Variants in DPYD observed in about 807,000 individuals in gnomAD.
DPYD encodes dihydropyrimidine dehydrogenase, also known as dihydropyrimidine dehydrogenase [NADP(+)].
DPYD carries 109 observed loss-of-function variants against 116.2 expected under a neutral mutation model. That is an observed-to-expected ratio of 0.94 (90% CI 0.80 to 1.10). The LOEUF (loss-of-function observed/expected upper bound fraction) is 1.10. Ranked by LOEUF, DPYD falls within the 50% of genes least tolerant of loss-of-function variation. DPYD has a pLI of 0.00. For synonymous variants in DPYD, 440 were observed against 432.0 expected (o/e 1.02, Z -0.23); for missense variants, 1,302 against 1,254.5 (o/e 1.04, Z -0.57).
intron 5 of DPYD, among the ~76,000 whole-genome samples, chr1:97,704,756 T>C (rs1300279383): frequency 2.0e-5 from 3 of 151,972 alleles, no homozygotes; most frequent in Admixed American, 1.3e-4. Flanking sequence ...GACCCCTCTT[T>C]TTTTCGTTAA....
intron 20 of DPYD, among the ~76,000 whole-genome samples, chr1:97,119,660 C>A (rs1293212599): frequency 9.9e-5 from 15 of 152,160 alleles, no homozygotes; most frequent in Admixed American, 9.8e-4. Flanking sequence ...AGCTCAGGAA[C>A]TACTGACCCC....
chr1:97,617,242 G>A lies in DPYD; in HGVS notation c.851-22076C>T, dbSNP rs146458783. Among the ~76,000 whole-genome samples the A allele has an allele frequency of 2.2e-3, 334 of 152,078 alleles. 4 individuals carry two copies. Among genetic ancestry groups the A allele is most frequent in the African/African-American group, 7.5e-3 (310 of 41,502 alleles). On this transcript the variant is annotated intron_variant, in intron 8 of 22. Coordinates refer to ENST00000370192, the MANE Select transcript of DPYD (RefSeq NM_000110.4). Reference sequence around the variant, plus strand: ...CAGTTCGTGTCTACAACCTCCAAACGTTCTTTATCAGAACCACAAGACTGT... The same window carrying A: ...CAGTTCGTGTCTACAACCTCCAAACATTCTTTATCAGAACCACAAGACTGT...
At chr1:97,525,277 A>C (rs188764642) in intron 12 of DPYD, among the ~76,000 whole-genome samples, 26 of 152,272 alleles carry the variant, frequency 1.7e-4, no homozygotes, top group African/African-American at 5.8e-4. Context: ...ATGACTCCAT[A>C]CATCAGTCAA....
Position 97,306,264 on chromosome 1 carries a change from C to A in DPYD, c.2092G>T (p.Val698Phe). ...AAAGGAATCTGAACAGCTTGCCTAA[C>A]CCAGCGGCAGATGTTCCGCACCAGC... ...PELVRNICRW[V>F]RQAVQIPFFA... The change falls in exon 17 of 23, where the codon GTT (valine) becomes TTT (phenylalanine). Residue 698 changes from valine to phenylalanine, a missense_variant. Coordinates refer to ENST00000370192, the MANE Select transcript of DPYD (RefSeq NM_000110.4). 3.7e-6 allele frequency: 6 copies of A among 1,612,422 alleles called. No homozygotes were observed. Among genetic ancestry groups the A allele is most frequent in the Non-Finnish European group, 5.1e-6 (6 of 1,178,852 alleles).
intron 3 of DPYD, among the ~76,000 whole-genome samples, chr1:97,772,033 T>C (rs1666169041): frequency 6.6e-6 from 1 of 152,192 alleles, no homozygotes; most frequent in Non-Finnish European, 1.5e-5. Flanking sequence ...CTTTATCATA[T>C]TATACAAAAA....
chr1:97,864,108 T>A (rs1214119583), intron 2 of DPYD, among the ~76,000 whole-genome samples: 1 of 152,186 alleles, frequency 6.6e-6, no homozygotes, highest in Non-Finnish European at 1.5e-5. Context: ...TGATTATTTA[T>A]AAGTGTCTGT....
chr1:97,524,149 T>C (rs1204290825), intron 12 of DPYD, among the ~76,000 whole-genome samples: 1 of 152,152 alleles, frequency 6.6e-6, no homozygotes, highest in Non-Finnish European at 1.5e-5. Context: ...AAGAAACTTA[T>C]GGTCAAGTTG....
intron 6 of DPYD, among the ~76,000 whole-genome samples, chr1:97,693,322 A>C (rs1437259745): frequency 6.7e-6 from 1 of 149,010 alleles, no homozygotes. Context: ...AAAAAACCAA[A>C]AAAGAAAATG....
At chr1:97,784,631 C>T (rs1478228387) in intron 3 of DPYD, among the ~76,000 whole-genome samples, 1 of 152,132 alleles carries the variant, frequency 6.6e-6, no homozygotes, top group Non-Finnish European at 1.5e-5. Flanking sequence ...TATGGAAGCA[C>T]TCTCTCTCAT....
chr1:97,547,777 C>A (rs1050959703), intron 12 of DPYD, among the ~76,000 whole-genome samples: 2 of 151,910 alleles, frequency 1.3e-5, no homozygotes, highest in African/African-American at 2.4e-5. Context: ...AACTTCTGGG[C>A]TTAAGTAATC....
intron 2 of DPYD, among the ~76,000 whole-genome samples, chr1:97,868,783 C>T (rs967728320): frequency 1.3e-5 from 2 of 151,740 alleles, no homozygotes; most frequent in East Asian, 1.9e-4. Flanking sequence ...ACAACTTAAT[C>T]GTAATTTTAA....
intron 3 of DPYD, among the ~76,000 whole-genome samples, chr1:97,759,227 T>C (rs1026631691): frequency 6.6e-6 from 1 of 152,174 alleles, no homozygotes; most frequent in Non-Finnish European, 1.5e-5. Flanking sequence ...TTCAGAAATA[T>C]TTCACTAAAT....
At chr1:97,745,004 A>G (rs1393141661) in intron 3 of DPYD, among the ~76,000 whole-genome samples, 14 of 152,028 alleles carry the variant, frequency 9.2e-5, no homozygotes, top group Admixed American at 9.2e-4. Context: ...TGATCCATTA[A>G]GCAGTCAAAA....
intron 3 of DPYD, chr1:97,774,838 C>T (rs1487877439): frequency 2.1e-5 from 4 of 191,390 alleles, no homozygotes; most frequent in South Asian, 1.2e-4. Flanking sequence ...CTGTGGGAAA[C>T]GGTTTGACGA....
intron 10 of DPYD, among the ~76,000 whole-genome samples, chr1:97,574,551 G>A (rs935445228): frequency 2.0e-5 from 3 of 152,172 alleles, no homozygotes; most frequent in South Asian, 2.1e-4. Context: ...TGAGGACAGC[G>A]AAACAAGCAT....
chr1:97,240,326 G>T (rs1157282226), intron 18 of DPYD, among the ~76,000 whole-genome samples: 1 of 152,062 alleles, frequency 6.6e-6, no homozygotes, highest in East Asian at 1.9e-4. Context: ...AGGCAGAGAT[G>T]TACTTCGCAT....
intron 2 of DPYD, among the ~76,000 whole-genome samples, chr1:97,839,838 G>A (rs7526108): frequency 0.74 from 112,397 of 152,054 alleles, 41,778 homozygotes; most frequent in East Asian, 0.93. Flanking sequence ...TTAGTTGCCT[G>A]AAACTTTGCC....
At chr1:97,397,668 G>C (rs151026335) in intron 14 of DPYD, among the ~76,000 whole-genome samples, 1 of 152,084 alleles carries the variant, frequency 6.6e-6, no homozygotes, top group African/African-American at 2.4e-5. Flanking sequence ...ATGCATTCAA[G>C]CTTCCTCCAT....
intron 13 of DPYD, chr1:97,514,265 AGTGTAAAGACTGAT>A: frequency 1.0e-6 from 1 of 983,562 alleles, no homozygotes; most frequent in African/African-American, 1.7e-5. Flanking sequence ...TGTCACCAAC[AGTGTAAAGACTGAT>A]GTCTCTGATT....
Sources: allele counts gnomAD v4.1 joint callset (sites outside exome capture counted in the v4.1 genomes callset), GRCh38; gene constraint gnomAD v4.1.1; transcripts MANE v1.5; gene names NCBI Gene and HGNC (gene_info 2026-07-23, HGNC 2026-07-21).